TRPC7: variants seen among roughly 807,000 people sequenced by gnomAD.
TRPC7 encodes short transient receptor potential channel 7.
TRPC7 carries 42 observed loss-of-function variants against 90.1 expected under a neutral mutation model. The ratio of observed to expected loss-of-function variants is 0.47; its 90% confidence interval spans 0.36 to 0.60. TRPC7 has a LOEUF of 0.60. Ranked by LOEUF, TRPC7 falls within the 20% of genes least tolerant of loss-of-function variation. The pLI, the probability that TRPC7 is intolerant of heterozygous loss-of-function variation, is 0.00. For missense variants in TRPC7, 955 were observed against 1,112.3 expected (o/e 0.86, Z 2.01); for synonymous variants, 451 against 436.3 (o/e 1.03, Z -0.42).
chr5:136,358,173 C>A (rs1234271567), intron 1 of TRPC7, among the ~76,000 whole-genome samples: 1 of 152,274 alleles, frequency 6.6e-6, no homozygotes, highest in Admixed American at 6.5e-5. Context: ...TTTCTGATGG[C>A]CACTGAAGCA....
At chr5:136,338,912 A>C (rs1759753708) in intron 2 of TRPC7, among the ~76,000 whole-genome samples, 1 of 152,230 alleles carries the variant, frequency 6.6e-6, no homozygotes, top group African/African-American at 2.4e-5. Flanking sequence ...AACTTGAAAA[A>C]AAACCACAAA....
At chr5:136,352,160 T>G (rs1327169857) in intron 2 of TRPC7, among the ~76,000 whole-genome samples, 1 of 152,168 alleles carries the variant, frequency 6.6e-6, no homozygotes, top group Non-Finnish European at 1.5e-5. Context: ...CTGGATGCTT[T>G]CAAATGTAAG....
chr5:136,228,918 G>T (rs1400771470), intron 8 of TRPC7, among the ~76,000 whole-genome samples: 1 of 152,172 alleles, frequency 6.6e-6, no homozygotes, highest in Non-Finnish European at 1.5e-5. Flanking sequence ...CACATGCCGT[G>T]GGCTTGCCTG....
chr5:136,269,285 A>G (rs541089523), intron 4 of TRPC7, among the ~76,000 whole-genome samples: 2 of 152,338 alleles, frequency 1.3e-5, no homozygotes, highest in South Asian at 2.1e-4. Flanking sequence ...CCTGGCCACT[A>G]TTCTTTGGCT....
chr5:136,229,398 G>A (rs1435171434), intron 8 of TRPC7, among the ~76,000 whole-genome samples: 1 of 152,098 alleles, frequency 6.6e-6, no homozygotes, highest in African/African-American at 2.4e-5. Flanking sequence ...CTTTTTTGGG[G>A]AGGGTATCAT....
intron 7 of TRPC7, 33 bp from the exon 8 acceptor site, chr5:136,231,582 T>C: frequency 6.5e-7 from 1 of 1,534,302 alleles, no homozygotes; most frequent in Non-Finnish European, 8.8e-7. Context: ...TTTACGCAGT[T>C]TGCATCAGCT....
At chr5:136,324,537 C>T (rs9327751) in intron 2 of TRPC7, among the ~76,000 whole-genome samples, 3,717 of 152,112 alleles carry the variant, frequency 0.024, 164 homozygotes, top group African/African-American at 0.085. Context: ...CTTTTCTTTC[C>T]TTTTGATCCA....
intron 1 of TRPC7, among the ~76,000 whole-genome samples, chr5:136,360,897 T>C (rs1244905099): frequency 6.6e-6 from 1 of 152,314 alleles, no homozygotes; most frequent in Admixed American, 6.5e-5. Flanking sequence ...CCTCTAATGA[T>C]ACTTTTTAGA....
chr5:136,226,216 G>A lies in TRPC7; in HGVS notation c.2080C>T (p.Leu694Phe). 1 of 1,551,972 alleles carries A rather than the reference G, an allele frequency of 6.4e-7. No homozygotes were observed. Among genetic ancestry groups the A allele is most frequent in the Non-Finnish European group, 8.7e-7 (1 of 1,147,098 alleles). The change falls in exon 9 of 12, where the codon CTC (leucine) becomes TTC (phenylalanine). Residue 694 changes from leucine (L) to phenylalanine (F), a missense_variant. Physicochemically the swap from Leu to Phe is conservative, Grantham distance 22 (BLOSUM62 0). Coordinates refer to ENST00000513104, the MANE Select transcript of TRPC7 (RefSeq NM_020389.3). Reference sequence around the variant, plus strand: ...CCTTCATCAAAGTAAGACAGCCAGAGTTTTGCTCGGGCGAACTTCCATTCC... The same window carrying A: ...CCTTCATCAAAGTAAGACAGCCAGAATTTTGCTCGGGCGAACTTCCATTCC... ...DVEWKFARAKLWLSYFDEGRT... is the reference protein window; with the variant it reads ...DVEWKFARAKFWLSYFDEGRT...
intron 3 of TRPC7, among the ~76,000 whole-genome samples, chr5:136,310,391 G>A (rs1015784907): frequency 6.6e-6 from 1 of 152,152 alleles, no homozygotes; most frequent in Non-Finnish European, 1.5e-5. Flanking sequence ...GAGGGAGAGC[G>A]AGTGGGTCCT....
chr5:136,216,539 C>CAG (rs1755275247), intron 10 of TRPC7, among the ~76,000 whole-genome samples: 4 of 152,210 alleles, frequency 2.6e-5, no homozygotes, highest in African/African-American at 7.2e-5. Flanking sequence ...CTGAGCCAAG[C>CAG]AGAGAGAGAG....
At chr5:136,234,479 T>C (rs1755925344) in intron 7 of TRPC7, among the ~76,000 whole-genome samples, 1 of 152,020 alleles carries the variant, frequency 6.6e-6, no homozygotes, top group African/African-American at 2.4e-5. Context: ...CCAGCTAATT[T>C]TTGTATTTTT....
At chr5:136,352,073 A>G (rs1384019593) in intron 2 of TRPC7, among the ~76,000 whole-genome samples, 1 of 152,142 alleles carries the variant, frequency 6.6e-6, no homozygotes, top group Non-Finnish European at 1.5e-5. Flanking sequence ...TAGCTTTGTT[A>G]TTCTTTAGAA....
intron 10 of TRPC7, among the ~76,000 whole-genome samples, chr5:136,220,633 A>G (rs1755423503): frequency 6.6e-6 from 1 of 152,206 alleles, no homozygotes; most frequent in Non-Finnish European, 1.5e-5. Context: ...GACCCTTATC[A>G]GGAGTTTTTG....
At chr5:136,222,276 G>C (rs1334946548) in intron 10 of TRPC7, 1 of 152,150 alleles carries the variant, frequency 6.6e-6, no homozygotes, top group African/African-American at 2.4e-5. Flanking sequence ...GCTAACAGTC[G>C]AGAAATCGAA....
At chr5:136,291,745 T>C (rs1297014649) in intron 3 of TRPC7, among the ~76,000 whole-genome samples, 3 of 151,686 alleles carry the variant, frequency 2.0e-5, no homozygotes, top group African/African-American at 7.3e-5. Flanking sequence ...AGACAGAAAG[T>C]TAACAAGGAT....
Position 136,320,852 on chromosome 5 carries a change from C to T in TRPC7, c.781-5073G>A, listed in dbSNP as rs150682236. Among the ~76,000 whole-genome samples the T allele has an allele frequency of 2.6e-3, 402 of 152,298 alleles. 2 individuals are homozygous for T. Among genetic ancestry groups the T allele is most frequent in the African/African-American group, 9.2e-3 (381 of 41,568 alleles). On this transcript the variant is annotated intron_variant, in intron 2 of 11. Transcript: ENST00000513104. ...CTATCTTTTTAAAAAAGTGTGGCTC[C>T]TCCACTCCTCATTACCGTTCCCTGC...
At chr5:136,255,259 C>T (rs1756653223) in intron 5 of TRPC7, among the ~76,000 whole-genome samples, 1 of 152,168 alleles carries the variant, frequency 6.6e-6, no homozygotes. Flanking sequence ...AACTGCATTG[C>T]ATGCTACAGA....
chr5:136,215,839 ATG>A (rs1481113824), intron 11 of TRPC7, among the ~76,000 whole-genome samples: 2 of 150,632 alleles, frequency 1.3e-5, no homozygotes. Flanking sequence ...AAAAAAAAAA[ATG>A]GTGGAGGAGG....
Sources: gnomAD v4.1 joint callset for allele counts (sites outside exome capture counted in the v4.1 genomes callset) on GRCh38, gnomAD v4.1.1 for gene constraint, MANE v1.5 for transcripts, NCBI Gene and HGNC (gene_info 2026-07-23, HGNC 2026-07-21) for gene names.